The following MRTFB variants were observed in gnomAD, a reference collection of about 807,000 sequenced individuals.
The protein encoded by MRTFB is myocardin-related transcription factor B.
MRTFB carries 29 observed loss-of-function variants against 104.2 expected under a neutral mutation model. That is an observed-to-expected ratio of 0.28 (90% CI 0.21 to 0.38). The LOEUF (loss-of-function observed/expected upper bound fraction) is 0.38. Among genes scored for constraint, MRTFB ranks in the 10% least tolerant of loss-of-function variants. The pLI is 1.00. For missense variants in MRTFB, 1,270 were observed against 1,341.6 expected (o/e 0.95, Z 0.83); for synonymous variants, 535 against 519.5 (o/e 1.03, Z -0.41).
the MRTFB span, among the ~76,000 whole-genome samples, chr16:14,008,245 ATGCT>A: frequency 1.3e-5 from 2 of 152,202 alleles, no homozygotes; most frequent in African/African-American, 4.8e-5. Context: ...TTTGTTGCTT[ATGCT>A]TTGGGTATCA....
rs1049326116 is a variant in MRTFB at position 14,143,889 on chromosome 16, G to T, written c.154+3129G>T. On this transcript the variant is annotated intron_variant, in intron 3 of 16. Coordinates refer to ENST00000571589, the MANE Select transcript of MRTFB (RefSeq NM_001308142.2). ...GTTATGATTACCTAGTGAAAAGGAG[G>T]TTACCCTCCCAATCTTGTCCCTTAC... is the stretch of plus-strand genomic sequence containing the variant. 8 of 152,110 alleles carry T rather than the reference G, an allele frequency of 5.3e-5. No homozygotes were observed. In the East Asian group the frequency reaches 1.5e-3, roughly 29 times the overall value. The allele number at this position is 152,110 out of a possible 1,614,324, so 9.4% of individuals were successfully genotyped here.
In MRTFB at chr16:14,246,531, C is replaced by T. The variant is rs1305069350; in HGVS notation, c.1271C>T (p.Pro424Leu). ...LRGLPVSGTKPDLIERLKPYQ... is the reference protein window; with the variant it reads ...LRGLPVSGTKLDLIERLKPYQ... ...GGTCTGCCAGTGTCAGGCACCAAAC[C>T]GGACCTCATTGAGCGCCTAAAACCC... The change falls in exon 12 of 17, where the codon CCG becomes CTG. Residue 424 changes from proline to leucine, a missense_variant. Physicochemically the swap from Pro to Leu is moderately conservative, Grantham distance 98. Coordinates refer to ENST00000571589, the MANE Select transcript of MRTFB (RefSeq NM_001308142.2). The T allele has an allele frequency of 5.0e-6, 8 of 1,614,162 alleles. No homozygotes were observed. The highest frequency in any genetic ancestry group is 3.3e-5 in the Admixed American group (2 of 60,024).
At chr16:14,055,199 A>G in the MRTFB span, among the ~76,000 whole-genome samples, 1 of 152,270 alleles carries the variant, frequency 6.6e-6, no homozygotes, top group African/African-American at 2.4e-5. Flanking sequence ...TAAAAATACA[A>G]AATTAGCTGG....
At position 14,265,139 on chromosome 16, in the gene MRTFB, C is replaced by T. The variant is rs1685280735; in HGVS notation, c.*3695C>T. ...CCTCACAGAAGTCCTGGCTGTCACTCAGGTGGGGAGCTCATGGTGCCGCTG... is the reference window on the plus strand; with the variant it reads ...CCTCACAGAAGTCCTGGCTGTCACTTAGGTGGGGAGCTCATGGTGCCGCTG... On this transcript the variant is annotated 3_prime_UTR_variant, in exon 17 of 17. Transcript: ENST00000571589. The T allele has an allele frequency of 6.6e-6, 1 of 152,194 alleles. No homozygotes were observed. Among genetic ancestry groups the T allele is most frequent in the African/African-American group, 2.4e-5 (1 of 41,452 alleles). The allele number at this position is 152,194 out of a possible 1,614,324, so 9.4% of individuals were successfully genotyped here.
chr16:14,164,675 C>G (rs1226052210), intron 3 of MRTFB, among the ~76,000 whole-genome samples: 2 of 152,082 alleles, frequency 1.3e-5, no homozygotes, highest in African/African-American at 4.8e-5. Context: ...TTGCATTGTC[C>G]CATTTAATCC....
chr16:14,127,657 A>AT (rs1353495159), intron 2 of MRTFB, among the ~76,000 whole-genome samples: 4 of 150,468 alleles, frequency 2.7e-5, no homozygotes, highest in African/African-American at 7.3e-5. Context: ...AAAAAAAAAA[A>AT]AAATAATGAC....
At chr16:14,048,365 T>A in the MRTFB span, among the ~76,000 whole-genome samples, 1 of 152,162 alleles carries the variant, frequency 6.6e-6, no homozygotes, top group Non-Finnish European at 1.5e-5. Flanking sequence ...GAGGTGATGT[T>A]TGAACAGAGA....
intron 3 of MRTFB, chr16:14,141,888 G>C (rs1597045622): frequency 6.8e-6 from 1 of 146,912 alleles, no homozygotes; most frequent in Non-Finnish European, 1.5e-5. Context: ...GCCCAGGCTT[G>C]AGTGCAGTGG....
At chr16:14,110,205 G>A (rs959703564) in intron 2 of MRTFB, among the ~76,000 whole-genome samples, 9 of 152,236 alleles carry the variant, frequency 5.9e-5, no homozygotes. Flanking sequence ...GGTAAAGCCA[G>A]ACCAGCAGCC....
At chr16:14,115,029 A>G (rs2036471539) in intron 2 of MRTFB, among the ~76,000 whole-genome samples, 1 of 152,218 alleles carries the variant, frequency 6.6e-6, no homozygotes, top group Non-Finnish European at 1.5e-5. Context: ...AGCCATGGCT[A>G]GTGACCACTT....
At chr16:14,243,015 T>A (rs1301242391) in intron 10 of MRTFB, among the ~76,000 whole-genome samples, 1 of 152,134 alleles carries the variant, frequency 6.6e-6, no homozygotes, top group Admixed American at 6.5e-5. Context: ...ATGCTTTATC[T>A]CTGTGGTGTT....
intron 2 of MRTFB, among the ~76,000 whole-genome samples, chr16:14,083,062 C>A (rs1253816696): frequency 6.6e-6 from 1 of 151,990 alleles, no homozygotes; most frequent in Non-Finnish European, 1.5e-5. Flanking sequence ...GTGTAGAAAT[C>A]TTTTACCTCC....
At chr16:14,059,234 A>G in the MRTFB span, among the ~76,000 whole-genome samples, 1 of 152,100 alleles carries the variant, frequency 6.6e-6, no homozygotes, top group Non-Finnish European at 1.5e-5. Context: ...GTAAATATTC[A>G]AAATCCTCTC....
At chr16:14,121,218 C>A (rs2036829229) in intron 2 of MRTFB, among the ~76,000 whole-genome samples, 1 of 137,646 alleles carries the variant, frequency 7.3e-6, no homozygotes, top group South Asian at 2.3e-4. Flanking sequence ...TTTTTTTTTA[C>A]ATTGAGCTTT....
At chr16:14,092,354 A>G (rs1019471609) in intron 2 of MRTFB, among the ~76,000 whole-genome samples, 4 of 152,164 alleles carry the variant, frequency 2.6e-5, no homozygotes, top group Non-Finnish European at 5.9e-5. Flanking sequence ...GTAGGTAGTT[A>G]GATTGTTTGA....
intron 2 of MRTFB, among the ~76,000 whole-genome samples, chr16:14,133,987 T>G (rs1042746095): frequency 1.3e-5 from 2 of 152,190 alleles, no homozygotes; most frequent in Non-Finnish European, 2.9e-5. Context: ...CTACATGTGT[T>G]TGAAACTTTT....
intron 9 of MRTFB, among the ~76,000 whole-genome samples, chr16:14,239,786 T>G (rs539530721): frequency 6.6e-6 from 1 of 152,370 alleles, no homozygotes; most frequent in East Asian, 1.9e-4. Flanking sequence ...GTTTATATTG[T>G]TTTCTTCTCA....
chr16:14,015,595 C>T, the MRTFB span, among the ~76,000 whole-genome samples: 3 of 152,148 alleles, frequency 2.0e-5, no homozygotes, highest in Non-Finnish European at 4.4e-5. Flanking sequence ...AAGGAAGTCT[C>T]GCTATCATTC....
chr16:14,198,389 G>A (rs1353065822), intron 3 of MRTFB, among the ~76,000 whole-genome samples: 1 of 152,188 alleles, frequency 6.6e-6, no homozygotes, highest in African/African-American at 2.4e-5. Context: ...ATTATATTCA[G>A]TTTAGAAAAG....
Sources: gnomAD v4.1 joint callset for allele counts (sites outside exome capture counted in the v4.1 genomes callset) on GRCh38, gnomAD v4.1.1 for gene constraint, MANE v1.5 for transcripts, NCBI Gene and HGNC (gene_info 2026-07-23, HGNC 2026-07-21) for gene names.